IKZF1: variants seen among roughly 807,000 people sequenced by gnomAD.
IKZF1 encodes DNA-binding protein Ikaros.
A neutral mutation model predicts 51.7 loss-of-function variants in IKZF1; 10 were observed. The ratio of observed to expected loss-of-function variants is 0.19; its 90% CI spans 0.12 to 0.33. The LOEUF (loss-of-function observed/expected upper bound fraction) is 0.33, where lower values mean the gene tolerates loss of function less well. Ranked by LOEUF, IKZF1 falls within the 10% of genes least tolerant of loss-of-function variation. The pLI is 1.00. For synonymous variants in IKZF1, 280 were observed against 282.3 expected (o/e 0.99, Z 0.08); for missense variants, 484 against 707.5 (o/e 0.68, Z 3.58).
Position 50,403,796 on chromosome 7 carries a change from C to T in IKZF1, c.*3169C>T, listed in dbSNP as rs1562926409. ...GATGTAGTTTTGTTATATGGTTCCC[C>T]ACCGACCATTTTTGTGCTTTTTTCT... On this transcript the variant is annotated 3_prime_UTR_variant, in exon 8 of 8. Transcript: ENST00000331340. 1 of 226,732 alleles carries T rather than the reference C, an allele frequency of 4.4e-6. No homozygotes were observed. Among genetic ancestry groups the T allele is most frequent in the Non-Finnish European group, 8.8e-6 (1 of 113,736 alleles). The allele number at this position is 226,732 out of a possible 1,614,324, so 14.0% of individuals were successfully genotyped here. A position where few individuals can be genotyped will look rare whatever the true frequency, so the allele number is the denominator to read the frequency against.
At chr7:50,344,802 T>C (rs1799949453) in intron 3 of IKZF1, among the ~76,000 whole-genome samples, 1 of 151,896 alleles carries the variant, frequency 6.6e-6, no homozygotes, top group African/African-American at 2.4e-5. Flanking sequence ...GCTATAGAAA[T>C]AGAAAATCAT....
At chr7:50,316,681 G>A (rs932697720) in intron 1 of IKZF1, among the ~76,000 whole-genome samples, 6 of 152,206 alleles carry the variant, frequency 3.9e-5, no homozygotes, top group African/African-American at 4.8e-5. Flanking sequence ...TCAGGATTCC[G>A]GCTTGAAACT....
chr7:50,400,232 T>C lies in IKZF1; in HGVS notation c.1165T>C (p.Ser389Pro), dbSNP rs1817796259. The C allele has an allele frequency of 6.2e-7, 1 of 1,603,868 alleles. No individual in the cohort carries two copies. The change falls in exon 8 of 8, where the codon TCC becomes CCC. Residue 389 changes from serine (S) to proline (P), a missense_variant. Coordinates refer to ENST00000331340, the MANE Select transcript of IKZF1 (RefSeq NM_006060.6). The surrounding 1 kb of genome is among the most constrained non-coding windows in gnomAD (Gnocchi z 5.4). ...GTTGGTGCCCTCGGAGCGCGAGGCGTCCCCGAGCAACAGCTGCCAAGACTC... is the reference window on the plus strand; with the variant it reads ...GTTGGTGCCCTCGGAGCGCGAGGCGCCCCCGAGCAACAGCTGCCAAGACTC... ...AKLVPSEREA[S>P]PSNSCQDSTD...
chr7:50,394,843 G>T (rs1816247700), intron 7 of IKZF1, among the ~76,000 whole-genome samples: 1 of 152,182 alleles, frequency 6.6e-6, no homozygotes, highest in African/African-American at 2.4e-5. Flanking sequence ...CCCCCTCTGA[G>T]ACCATCAAAT....
chr7:50,351,284 T>C (rs1362472484), intron 3 of IKZF1, among the ~76,000 whole-genome samples: 2 of 152,262 alleles, frequency 1.3e-5, no homozygotes, highest in African/African-American at 4.8e-5. Context: ...TCACTTATCT[T>C]GATGTAAAAT....
intron 3 of IKZF1, among the ~76,000 whole-genome samples, chr7:50,361,802 G>C (rs1019875007): frequency 3.3e-5 from 5 of 152,046 alleles, no homozygotes; most frequent in Non-Finnish European, 5.9e-5. Flanking sequence ...CTTGAACCCG[G>C]GAGGAGGAGG....
chr7:50,353,419 T>G (rs1802389448), intron 3 of IKZF1, among the ~76,000 whole-genome samples: 1 of 152,224 alleles, frequency 6.6e-6, no homozygotes, highest in South Asian at 2.1e-4. Context: ...TGCTGGCCCC[T>G]CCTTTCTTGT....
At chr7:50,320,583 C>T (rs563701589) in intron 2 of IKZF1, among the ~76,000 whole-genome samples, 5 of 152,338 alleles carry the variant, frequency 3.3e-5, no homozygotes, top group Admixed American at 2.0e-4. Context: ...CTATCTTCCA[C>T]TCCCCCGACC....
intron 1 of IKZF1, among the ~76,000 whole-genome samples, chr7:50,312,079 T>C (rs1346507907): frequency 6.6e-6 from 1 of 152,232 alleles, no homozygotes; most frequent in Non-Finnish European, 1.5e-5. Flanking sequence ...GCACAGCTCC[T>C]GACCATGCAT....
In IKZF1 at chr7:50,308,330, C is replaced by T. The variant is rs776373911; in HGVS notation, c.-15+3408C>T. Among the ~76,000 whole-genome samples the T allele has an allele frequency of 2.6e-5, 4 of 152,184 alleles. No individual in the cohort carries two copies. In the South Asian group the frequency reaches 8.3e-4, roughly 31 times the overall value. On this transcript the variant is annotated intron_variant, in intron 1 of 7. Transcript: ENST00000331340. ...GCAACTGCCAAATTGTTTCAGTTGA[C>T]GTTTTTCCCTCTCATGTTTGACTAT...
At chr7:50,333,284 TC>T in intron 3 of IKZF1, among the ~76,000 whole-genome samples, 1 of 139,646 alleles carries the variant, frequency 7.2e-6, no homozygotes. Flanking sequence ...GTGCCAAATC[TC>T]CCCTTCATTT....
In IKZF1 at chr7:50,369,424, A is replaced by G. The variant is rs906455786; in HGVS notation, c.161-7109A>G. 2.0e-5 allele frequency: 8 copies of G among 398,244 alleles called. No homozygotes were observed. In the East Asian group the frequency reaches 2.8e-4, roughly 14 times the overall value. 24.7% of individuals were successfully genotyped at this position (398,244 alleles called of 1,614,324 possible). A position where few individuals can be genotyped will look rare whatever the true frequency, so the allele number is the denominator to read the frequency against. On this transcript the variant is annotated intron_variant, in intron 3 of 7. Coordinates refer to ENST00000331340, the MANE Select transcript of IKZF1 (RefSeq NM_006060.6). ...ATGTTATGATAGTTACAGTTTTTATAAAAGAGATGATATACACTTGGATAT... is the reference window on the plus strand; with the variant it reads ...ATGTTATGATAGTTACAGTTTTTATGAAAGAGATGATATACACTTGGATAT...
At chr7:50,324,289 G>A (rs889813488) in intron 2 of IKZF1, among the ~76,000 whole-genome samples, 2 of 152,138 alleles carry the variant, frequency 1.3e-5, no homozygotes, top group African/African-American at 4.8e-5. Flanking sequence ...TCAGCAGCCC[G>A]GACTTACACT....
In IKZF1 at chr7:50,396,781, T is replaced by C. The variant is rs1469072319; in HGVS notation, c.851-3137T>C. Among the ~76,000 whole-genome samples, 5 of 152,342 alleles carry C rather than the reference T, an allele frequency of 3.3e-5. No homozygotes were observed. The East Asian group carries it at 9.6e-4, about 29-fold the overall frequency. ...AGTTTGGTGAGGCAAAGTGCAGCCT[T>C]TGTTAAAATACTTTTCCTTTGCTCT... is the stretch of plus-strand genomic sequence containing the variant. On this transcript the variant is annotated intron_variant, in intron 7 of 7. Coordinates refer to ENST00000331340, the MANE Select transcript of IKZF1 (RefSeq NM_006060.6).
Position 50,401,328 on chromosome 7 carries a change from G to A in IKZF1, c.*701G>A. 4.3e-6 allele frequency: 1 copy of A among 230,464 alleles called. No homozygotes were observed. The allele number at this position is 230,464 out of a possible 1,614,324, so 14.3% of individuals were successfully genotyped here. On this transcript the variant is annotated 3_prime_UTR_variant, in exon 8 of 8. Transcript: ENST00000331340. ...GGGCTAGAGCCTTTGGGATCGTCCT[G>A]GATTCACTGGCTTTGCGGAGGCTGC...
At chr7:50,377,545 G>C (rs1054074518) in intron 4 of IKZF1, among the ~76,000 whole-genome samples, 2 of 152,242 alleles carry the variant, frequency 1.3e-5, no homozygotes, top group Non-Finnish European at 2.9e-5. Flanking sequence ...AGAGGCGTGG[G>C]AACACGGCGA....
chr7:50,381,055 A>T (rs1231901223), intron 4 of IKZF1, among the ~76,000 whole-genome samples: 1 of 152,226 alleles, frequency 6.6e-6, no homozygotes, highest in South Asian at 2.1e-4. Context: ...CCATTGGCCT[A>T]TAATTGAACA....
chr7:50,342,612 G>T (rs1373350607), intron 3 of IKZF1, among the ~76,000 whole-genome samples: 1 of 150,928 alleles, frequency 6.6e-6, no homozygotes, highest in Non-Finnish European at 1.5e-5. Flanking sequence ...TTTGCAACCT[G>T]ATAAAGCAAC....
intron 3 of IKZF1, among the ~76,000 whole-genome samples, chr7:50,354,780 C>T (rs1246406550): frequency 1.3e-5 from 2 of 151,998 alleles, no homozygotes; most frequent in Non-Finnish European, 2.9e-5. Context: ...AGGCTGTCTC[C>T]CCATGATGGG....
Sources: allele counts gnomAD v4.1 joint callset (sites outside exome capture counted in the v4.1 genomes callset), GRCh38; gene constraint gnomAD v4.1.1; non-coding constraint Gnocchi (gnomAD v3.1); transcripts MANE v1.5; gene names NCBI Gene and HGNC (gene_info 2026-07-23, HGNC 2026-07-21).